Variants in RAPGEF4 observed in about 807,000 individuals in gnomAD.
RAPGEF4 encodes RAP guanine-nucleotide-exchange factor (GEF) 4.
Under a neutral mutation model 147.9 loss-of-function variants are expected in RAPGEF4, and 66 were observed. The observed-to-expected ratio is 0.45, with a 90% CI of 0.37 to 0.55. RAPGEF4 has a LOEUF of 0.55. Among genes scored for constraint, RAPGEF4 ranks in the 20% least tolerant of loss-of-function variants. The pLI, the probability that RAPGEF4 is intolerant of heterozygous loss-of-function variation, is 0.00. For synonymous variants in RAPGEF4, 419 were observed against 442.7 expected (o/e 0.95, Z 0.67); for missense variants, 1,071 against 1,257.3 (o/e 0.85, Z 2.24).
intron 29 of RAPGEF4, among the ~76,000 whole-genome samples, chr2:173,044,560 C>G (rs957215993): frequency 2.6e-5 from 4 of 152,184 alleles, no homozygotes; most frequent in Non-Finnish European, 5.9e-5. Flanking sequence ...AGTGCATGTC[C>G]TGAGGGGAAT....
intron 29 of RAPGEF4, among the ~76,000 whole-genome samples, chr2:173,041,778 TCTC>T (rs1575589218): frequency 6.6e-6 from 1 of 152,204 alleles, no homozygotes; most frequent in Admixed American, 6.5e-5. Flanking sequence ...CCTGCCTTCT[TCTC>T]CTTTTGGCCT....
chr2:173,020,702 A>G lies in RAPGEF4; in HGVS notation c.2240A>G (p.Gln747Arg). The G allele has an allele frequency of 6.2e-7, 1 of 1,613,414 alleles. No homozygotes were observed. The highest frequency in any genetic ancestry group is 8.5e-7 in the Non-Finnish European group (1 of 1,179,540). Residue 747 changes from glutamine (Q) to arginine (R), a missense_variant, in exon 23 of 31, where the codon CAA (glutamine) becomes CGA (arginine). Transcript: ENST00000397081. ...CGCCTGTTTGCTTGCCCGCGAGAGCAATTCGATTCACTGGTAGGTGTGGAT... is the reference window on the plus strand; with the variant it reads ...CGCCTGTTTGCTTGCCCGCGAGAGCGATTCGATTCACTGGTAGGTGTGGAT... ...NGRLFACPRE[Q>R]FDSLTPLPEQ...
intron 4 of RAPGEF4, among the ~76,000 whole-genome samples, chr2:172,894,541 A>G (rs1237750745): frequency 6.6e-6 from 1 of 152,242 alleles, no homozygotes; most frequent in Non-Finnish European, 1.5e-5. Context: ...AGAGAGTAGA[A>G]GAATTATTTT....
intron 6 of RAPGEF4, among the ~76,000 whole-genome samples, chr2:172,933,504 C>A (rs753452883): frequency 9.2e-5 from 14 of 151,964 alleles, no homozygotes; most frequent in Non-Finnish European, 1.9e-4. Flanking sequence ...GATTTTGCAC[C>A]GTACCTGGGT....
chr2:172,898,436 C>G (rs1328989999), intron 4 of RAPGEF4, among the ~76,000 whole-genome samples: 2 of 152,140 alleles, frequency 1.3e-5, no homozygotes, highest in South Asian at 2.1e-4. Flanking sequence ...TGCCCCCCAC[C>G]ATTTTCTCTT....
chr2:172,961,316 T>C, intron 8 of RAPGEF4, 88 bp downstream of exon 8: 1 of 1,085,164 alleles, frequency 9.2e-7, no homozygotes, highest in Non-Finnish European at 1.4e-6. Context: ...GTTTTCCATG[T>C]GGGCGCAGCC....
chr2:172,935,650 A>G (rs1360183692), intron 6 of RAPGEF4, among the ~76,000 whole-genome samples: 1 of 152,244 alleles, frequency 6.6e-6, no homozygotes, highest in Non-Finnish European at 1.5e-5. Flanking sequence ...TAATGTTGAC[A>G]TCACATTTTG....
intron 4 of RAPGEF4, among the ~76,000 whole-genome samples, chr2:172,870,079 G>A (rs571841144): frequency 6.6e-6 from 1 of 152,102 alleles, no homozygotes; most frequent in African/African-American, 2.4e-5. Flanking sequence ...GAGTCCCGCT[G>A]CCTTCCTATT....
chr2:172,972,907 A>T (rs1450010418), intron 10 of RAPGEF4, among the ~76,000 whole-genome samples: 1 of 152,182 alleles, frequency 6.6e-6, no homozygotes, highest in Non-Finnish European at 1.5e-5. Context: ...AATTACTGTT[A>T]ACATTTTGGT....
chr2:172,803,539 G>A (rs1687181889), intron 3 of RAPGEF4, among the ~76,000 whole-genome samples: 1 of 152,138 alleles, frequency 6.6e-6, no homozygotes, highest in Non-Finnish European at 1.5e-5. Context: ...CTAGGCCTCT[G>A]GGCCTGTGAT....
chr2:172,800,567 A>T (rs1225665579), intron 3 of RAPGEF4, among the ~76,000 whole-genome samples: 1 of 152,152 alleles, frequency 6.6e-6, no homozygotes, highest in Non-Finnish European at 1.5e-5. Context: ...TAAGAGATAG[A>T]GATAGAGAGA....
intron 4 of RAPGEF4, among the ~76,000 whole-genome samples, chr2:172,841,846 C>T (rs60249656): frequency 0.073 from 5,320 of 72,382 alleles, 489 homozygotes; most frequent in East Asian, 0.57. Context: ...ACACTACACA[C>T]ACACACGAAC....
intron 22 of RAPGEF4, among the ~76,000 whole-genome samples, chr2:173,019,506 A>G (rs1695839510): frequency 2.0e-5 from 3 of 152,186 alleles, no homozygotes. Flanking sequence ...ATGACCACAT[A>G]TTGTAGTGAG....
Position 172,983,421 on chromosome 2 carries a change from C to G in RAPGEF4, c.1005-75C>G, listed in dbSNP as rs555749326. 1.1e-5 allele frequency: 17 copies of G among 1,547,740 alleles called. No homozygotes were observed. In the Admixed American group the frequency reaches 2.7e-4, roughly 25 times the overall value. On this transcript the variant is annotated intron_variant, in intron 10 of 30. Coordinates refer to ENST00000397081, the MANE Select transcript of RAPGEF4 (RefSeq NM_007023.4). ...AAATCCCTGAGCATGTTACTGATGC[C>G]TGGATCCGTTTCCATGTTTGAGGCC...
chr2:172,863,268 A>T (rs1476092479), intron 4 of RAPGEF4, among the ~76,000 whole-genome samples: 2 of 152,150 alleles, frequency 1.3e-5, no homozygotes, highest in Non-Finnish European at 2.9e-5. Context: ...AGAAGAGGAA[A>T]TTGGAGTGCT....
chr2:172,757,482 C>T (rs919750965), intron 1 of RAPGEF4, among the ~76,000 whole-genome samples: 2 of 152,200 alleles, frequency 1.3e-5, no homozygotes, highest in Non-Finnish European at 2.9e-5. Context: ...TTCCCTACTA[C>T]TGAGAAGCTG....
chr2:173,007,049 C>T (rs1214806269), intron 17 of RAPGEF4, among the ~76,000 whole-genome samples: 3 of 152,188 alleles, frequency 2.0e-5, no homozygotes, highest in Admixed American at 1.3e-4. Context: ...TACATGTTCT[C>T]GGCCTCATAT....
intron 1 of RAPGEF4, among the ~76,000 whole-genome samples, chr2:172,745,495 T>A (rs1694684697): frequency 6.6e-6 from 1 of 152,144 alleles, no homozygotes; most frequent in Admixed American, 6.5e-5. Flanking sequence ...CCCAATTTTG[T>A]TAATATTTTA....
At chr2:173,000,466 T>C (rs530077552) in intron 16 of RAPGEF4, among the ~76,000 whole-genome samples, 1 of 152,360 alleles carries the variant, frequency 6.6e-6, no homozygotes, top group South Asian at 2.1e-4. Context: ...GGCATAGTCC[T>C]GAGGTTTTTA....
Sources: allele counts gnomAD v4.1 joint callset (sites outside exome capture counted in the v4.1 genomes callset), GRCh38; gene constraint gnomAD v4.1.1; transcripts MANE v1.5; gene names NCBI Gene and HGNC (gene_info 2026-07-23, HGNC 2026-07-21).